IMMP2L: variants seen among roughly 807,000 people sequenced by gnomAD.
The protein encoded by IMMP2L is mitochondrial inner membrane protease subunit 2.
IMMP2L carries 18 observed loss-of-function variants against 19.3 expected under a neutral mutation model. That is an observed-to-expected ratio of 0.93 (90% CI 0.64 to 1.38). The LOEUF (loss-of-function observed/expected upper bound fraction) is 1.38, where lower values mean the gene tolerates loss of function less well. IMMP2L is among the 40% of genes most tolerant of loss of function. The pLI, the probability that IMMP2L is intolerant of heterozygous loss-of-function variation, is 0.00. For missense variants in IMMP2L, 233 were observed against 218.2 expected (o/e 1.07, Z -0.43); for synonymous variants, 76 against 73.0 (o/e 1.04, Z -0.21).
chr7:111,391,428 T>A (rs1355006717), intron 3 of IMMP2L, among the ~76,000 whole-genome samples: 1 of 152,174 alleles, frequency 6.6e-6, no homozygotes, highest in Non-Finnish European at 1.5e-5. Context: ...TTATTCACAA[T>A]CTGATGAAAT....
At chr7:111,486,263 C>A (rs1321043043) in intron 3 of IMMP2L, among the ~76,000 whole-genome samples, 1 of 152,074 alleles carries the variant, frequency 6.6e-6, no homozygotes, top group Non-Finnish European at 1.5e-5. Context: ...CTGAAAGAAA[C>A]ACATTTATAG....
In IMMP2L at chr7:111,122,510, T is replaced by TAC. The variant is rs1201765004; in HGVS notation, c.240-158947_240-158946dup. ...TTACTCAATCTCCTATGACCATCTA[T>TAC]ACATACTCCACCTTCAAAAAGTACA... On this transcript the variant is annotated intron_variant, in intron 3 of 5. Transcript: ENST00000405709. 4 of 432,442 alleles carry TAC rather than the reference T, an allele frequency of 9.2e-6. No individual in the cohort carries two copies. The East Asian group carries it at 1.5e-4, about 17-fold the overall frequency. 26.8% of individuals were successfully genotyped at this position (432,442 alleles called of 1,614,324 possible).
intron 5 of IMMP2L, among the ~76,000 whole-genome samples, chr7:110,782,027 T>TA (rs1334608947): frequency 1.3e-5 from 2 of 151,370 alleles, no homozygotes; most frequent in East Asian, 3.9e-4. Flanking sequence ...GTAGTGGTTG[T>TA]AAGAGCTGAG....
chr7:111,122,646 T>C, intron 3 of IMMP2L: 1 of 721,426 alleles, frequency 1.4e-6, no homozygotes, highest in South Asian at 2.0e-5. Context: ...AAAAACTTTG[T>C]GGTTCTATGG....
intron 4 of IMMP2L, among the ~76,000 whole-genome samples, chr7:110,899,737 A>T (rs73196832): frequency 0.018 from 2,809 of 152,258 alleles, 35 homozygotes; most frequent in Non-Finnish European, 0.029. Flanking sequence ...GTGCTAACCT[A>T]TGAATTCTCT....
At chr7:111,415,434 G>A (rs1463471826) in intron 3 of IMMP2L, among the ~76,000 whole-genome samples, 1 of 151,710 alleles carries the variant, frequency 6.6e-6, no homozygotes, top group Non-Finnish European at 1.5e-5. Flanking sequence ...CAAAAAGTCT[G>A]AGATAATTAA....
chr7:110,897,934 T>C (rs1472549332), intron 4 of IMMP2L, among the ~76,000 whole-genome samples: 2 of 151,768 alleles, frequency 1.3e-5, no homozygotes, highest in Non-Finnish European at 2.9e-5. Flanking sequence ...AAAATTATAT[T>C]GAAGATACAC....
chr7:111,506,109 A>G (rs1489698525), intron 2 of IMMP2L, among the ~76,000 whole-genome samples: 1 of 151,676 alleles, frequency 6.6e-6, no homozygotes, highest in Non-Finnish European at 1.5e-5. Context: ...CACACACAAA[A>G]ATTTTAAAAA....
intron 3 of IMMP2L, among the ~76,000 whole-genome samples, chr7:111,280,796 G>A (rs1490745677): frequency 6.6e-6 from 1 of 152,078 alleles, no homozygotes; most frequent in East Asian, 1.9e-4. Context: ...TTGGCCGGGT[G>A]CGGTGGCTCA....
chr7:111,183,205 T>G (rs79867371), intron 3 of IMMP2L, among the ~76,000 whole-genome samples: 8,783 of 152,156 alleles, frequency 0.058, 523 homozygotes, highest in African/African-American at 0.14. Context: ...GCATAAACAT[T>G]GTGTTTTTAT....
chr7:111,523,169 A>G (rs1846518550), intron 1 of IMMP2L, among the ~76,000 whole-genome samples: 1 of 151,908 alleles, frequency 6.6e-6, no homozygotes, highest in Non-Finnish European at 1.5e-5. Context: ...AGGATATATA[A>G]TTATATTTAG....
chr7:111,190,816 T>C (rs1808779945), intron 3 of IMMP2L, among the ~76,000 whole-genome samples: 1 of 152,148 alleles, frequency 6.6e-6, no homozygotes, highest in South Asian at 2.1e-4. Context: ...TATAACATCA[T>C]GTGATATAAA....
chr7:110,984,219 A>C (rs1821616431), intron 3 of IMMP2L, among the ~76,000 whole-genome samples: 1 of 152,002 alleles, frequency 6.6e-6, no homozygotes, highest in Non-Finnish European at 1.5e-5. Flanking sequence ...AAAATGGGTC[A>C]CGTCAGATAT....
chr7:110,894,612 T>G (rs111825835), intron 4 of IMMP2L, among the ~76,000 whole-genome samples: 6,150 of 152,276 alleles, frequency 0.04, 398 homozygotes, highest in African/African-American at 0.14. Flanking sequence ...TGGATATAAA[T>G]TTTGTATTAG....
At chr7:111,398,542 G>A (rs988067278) in intron 3 of IMMP2L, among the ~76,000 whole-genome samples, 3 of 152,020 alleles carry the variant, frequency 2.0e-5, no homozygotes, top group Non-Finnish European at 2.9e-5. Flanking sequence ...AAAGTTGAAA[G>A]CATTCCTTCT....
chr7:111,355,072 T>C (rs1828561744), intron 3 of IMMP2L, among the ~76,000 whole-genome samples: 1 of 151,912 alleles, frequency 6.6e-6, no homozygotes, highest in South Asian at 2.1e-4. Context: ...AGGTAATCTT[T>C]AGCAGCAGCA....
At chr7:110,922,210 A>G (rs1037186641) in intron 4 of IMMP2L, among the ~76,000 whole-genome samples, 1 of 152,228 alleles carries the variant, frequency 6.6e-6, no homozygotes, top group Non-Finnish European at 1.5e-5. Context: ...AGGTCACTGG[A>G]AAGACTAGTG....
chr7:111,501,183 C>A (rs1844208172), intron 2 of IMMP2L, among the ~76,000 whole-genome samples: 1 of 152,012 alleles, frequency 6.6e-6, no homozygotes, highest in Non-Finnish European at 1.5e-5. Context: ...AATGCAGAAG[C>A]CTCAGGAGCC....
chr7:110,950,120 C>T (rs933143683), intron 4 of IMMP2L, among the ~76,000 whole-genome samples: 1 of 152,076 alleles, frequency 6.6e-6, no homozygotes, highest in African/African-American at 2.4e-5. Flanking sequence ...ATCTAATCAA[C>T]TTTGAGTTGA....
Sources: allele counts gnomAD v4.1 joint callset (sites outside exome capture counted in the v4.1 genomes callset), GRCh38; gene constraint gnomAD v4.1.1; transcripts MANE v1.5; gene names NCBI Gene and HGNC (gene_info 2026-07-23, HGNC 2026-07-21).